The following MEOX2 variants were observed in gnomAD, a reference collection of about 807,000 sequenced individuals.
MEOX2 encodes mesenchyme homeobox 2.
MEOX2 carries 11 observed loss-of-function variants against 27.0 expected under a neutral mutation model. That is an observed-to-expected ratio of 0.41 (90% CI 0.26 to 0.68). The LOEUF (loss-of-function observed/expected upper bound fraction) is 0.68, where lower values mean the gene tolerates loss of function less well. Among genes scored for constraint, MEOX2 ranks in the 30% least tolerant of loss-of-function variants. The pLI, the probability that MEOX2 is intolerant of heterozygous loss-of-function variation, is 0.33. For synonymous variants in MEOX2, 189 were observed against 155.4 expected (o/e 1.22, Z -1.61); for missense variants, 436 against 385.4 (o/e 1.13, Z -1.10).
chr7:15,617,531 G>C (rs1583737212), intron 2 of MEOX2, among the ~76,000 whole-genome samples: 1 of 152,010 alleles, frequency 6.6e-6, no homozygotes, highest in Admixed American at 6.6e-5. Flanking sequence ...ATGGGGAAAA[G>C]AAAGCTTTTT....
At chr7:15,656,109 C>A (rs980328312) in intron 1 of MEOX2, among the ~76,000 whole-genome samples, 3 of 151,812 alleles carry the variant, frequency 2.0e-5, no homozygotes, top group Admixed American at 6.6e-5. Flanking sequence ...CTCTCTCTGT[C>A]TCTGGTAATT....
intron 1 of MEOX2, among the ~76,000 whole-genome samples, chr7:15,674,439 A>T (rs1343557456): frequency 6.6e-6 from 1 of 152,104 alleles, no homozygotes; most frequent in African/African-American, 2.4e-5. Flanking sequence ...CTCTGGTAGG[A>T]TGAAGCAATG....
At chr7:15,649,565 A>G (rs904128623) in intron 1 of MEOX2, among the ~76,000 whole-genome samples, 5 of 152,052 alleles carry the variant, frequency 3.3e-5, no homozygotes, top group African/African-American at 1.2e-4. Flanking sequence ...CAAGAAAAAT[A>G]AGAACAAAGA....
chr7:15,627,341 GA>G (rs1053430144), intron 1 of MEOX2, among the ~76,000 whole-genome samples: 5 of 152,020 alleles, frequency 3.3e-5, no homozygotes, highest in Non-Finnish European at 5.9e-5. Context: ...GAGTATTTGA[GA>G]AATTCAAACG....
At chr7:15,684,499 T>C (rs891185660) in intron 1 of MEOX2, among the ~76,000 whole-genome samples, 1 of 152,176 alleles carries the variant, frequency 6.6e-6, no homozygotes, top group African/African-American at 2.4e-5. Context: ...CCCCCTGACC[T>C]TGGAAAATAA....
chr7:15,641,271 T>C (rs1781556461), intron 1 of MEOX2, among the ~76,000 whole-genome samples: 1 of 152,214 alleles, frequency 6.6e-6, no homozygotes, highest in African/African-American at 2.4e-5. Flanking sequence ...TTCAGAAATG[T>C]ATTCATTTGG....
At position 15,621,820 on chromosome 7, in the gene MEOX2, A is replaced by G. The variant is rs760885338; in HGVS notation, c.690+4926T>C. On this transcript the variant is annotated intron_variant, in intron 2 of 2. Transcript: ENST00000262041. ...TCATTTAGGAGAAAATTATTTCTCA[A>G]AAACAATTCTGTTACAGGCCAGGTG... Among the ~76,000 whole-genome samples the G allele has an allele frequency of 1.1e-4, 16 of 152,308 alleles. No homozygotes were observed. In the South Asian group the frequency reaches 2.9e-3, roughly 28 times the overall value.
intron 2 of MEOX2, among the ~76,000 whole-genome samples, chr7:15,623,300 C>G (rs951797098): frequency 6.6e-6 from 1 of 152,130 alleles, no homozygotes; most frequent in East Asian, 1.9e-4. Context: ...TATATTTTTT[C>G]TGATAAATTC....
At chr7:15,624,586 T>C (rs1562596567) in intron 2 of MEOX2, among the ~76,000 whole-genome samples, 1 of 152,116 alleles carries the variant, frequency 6.6e-6, no homozygotes, top group Non-Finnish European at 1.5e-5. Flanking sequence ...GATCCCAAGC[T>C]AGCCTATAAG....
At chr7:15,656,155 T>G (rs1781816868) in intron 1 of MEOX2, among the ~76,000 whole-genome samples, 1 of 151,790 alleles carries the variant, frequency 6.6e-6, no homozygotes, top group Non-Finnish European at 1.5e-5. Flanking sequence ...CATATTAATA[T>G]ACCCACTCCT....
intron 1 of MEOX2, among the ~76,000 whole-genome samples, chr7:15,656,276 T>C (rs184253537): frequency 2.0e-5 from 3 of 151,986 alleles, no homozygotes; most frequent in Admixed American, 2.0e-4. Context: ...ACACAATAAA[T>C]GGTTGGTTCA....
chr7:15,635,624 A>G (rs1354149702), intron 1 of MEOX2, among the ~76,000 whole-genome samples: 1 of 152,024 alleles, frequency 6.6e-6, no homozygotes, highest in Non-Finnish European at 1.5e-5. Context: ...GGCCTTAGCA[A>G]TTGAAAATTA....
chr7:15,684,670 A>G (rs1255753946), intron 1 of MEOX2, among the ~76,000 whole-genome samples: 1 of 152,222 alleles, frequency 6.6e-6, no homozygotes, highest in African/African-American at 2.4e-5. Flanking sequence ...ACATTTTTCC[A>G]ATCCTTCAAA....
intron 2 of MEOX2, among the ~76,000 whole-genome samples, chr7:15,623,977 C>T (rs1781258322): frequency 6.6e-6 from 1 of 152,184 alleles, no homozygotes; most frequent in African/African-American, 2.4e-5. Context: ...AAAGGTTTTT[C>T]CCACCTGGGT....
At chr7:15,628,773 C>A (rs984180548) in intron 1 of MEOX2, among the ~76,000 whole-genome samples, 6 of 152,070 alleles carry the variant, frequency 3.9e-5, no homozygotes, top group African/African-American at 1.2e-4. Flanking sequence ...TCAGCATCCA[C>A]ATTGGTGGAG....
intron 1 of MEOX2, among the ~76,000 whole-genome samples, chr7:15,638,092 G>C (rs1400656445): frequency 6.6e-6 from 1 of 151,886 alleles, no homozygotes; most frequent in East Asian, 1.9e-4. Context: ...TTCATTTTTA[G>C]TGATCTTGAA....
chr7:15,668,401 G>GCC (rs772498112), intron 1 of MEOX2: 1 of 152,170 alleles, frequency 6.6e-6, no homozygotes, highest in Non-Finnish European at 1.5e-5. Context: ...CATTAAAAAT[G>GCC]TGTGTTAATC....
intron 2 of MEOX2, among the ~76,000 whole-genome samples, chr7:15,619,963 T>C (rs1252785834): frequency 1.3e-5 from 2 of 152,140 alleles, no homozygotes; most frequent in African/African-American, 4.8e-5. Context: ...CTTAAGTTAC[T>C]TTTCATGTAT....
At chr7:15,619,443 T>C (rs1352643460) in intron 2 of MEOX2, among the ~76,000 whole-genome samples, 1 of 152,036 alleles carries the variant, frequency 6.6e-6, no homozygotes, top group Non-Finnish European at 1.5e-5. Context: ...GTGAGGAAAC[T>C]GAGAAACAAA....
Sources: allele counts gnomAD v4.1 joint callset (sites outside exome capture counted in the v4.1 genomes callset), GRCh38; gene constraint gnomAD v4.1.1; transcripts MANE v1.5; gene names NCBI Gene and HGNC (gene_info 2026-07-23, HGNC 2026-07-21).